CAMK2D: variants seen among roughly 807,000 people sequenced by gnomAD.
CAMK2D encodes calcium/calmodulin dependent protein kinase II delta, also known as calcium/calmodulin-dependent protein kinase type II subunit delta.
In CAMK2D, 37 loss-of-function variants were observed where a neutral mutation model predicts 84.0. The observed-to-expected ratio is 0.44, with a 90% CI of 0.34 to 0.58. The LOEUF (loss-of-function observed/expected upper bound fraction) is 0.58, where lower values mean the gene tolerates loss of function less well. Ranked by LOEUF, CAMK2D falls within the 20% of genes least tolerant of loss-of-function variation. The pLI, the probability that CAMK2D is intolerant of heterozygous loss-of-function variation, is 0.02. For missense variants in CAMK2D, 448 were observed against 652.5 expected, an observed-to-expected ratio of 0.69 and a Z score of 3.41; for synonymous variants, 202 against 212.5, an observed-to-expected ratio of 0.95 and a Z score of 0.43.
chr4:113,742,570 ATT>A (rs143698248), intron 2 of CAMK2D, among the ~76,000 whole-genome samples: 4 of 147,088 alleles, frequency 2.7e-5, no homozygotes, highest in East Asian at 2.0e-4. Flanking sequence ...TCTTGAGTTC[ATT>A]TTTTTTTTTT....
chr4:113,734,654 G>A (rs2099576818), intron 2 of CAMK2D, among the ~76,000 whole-genome samples: 2 of 151,844 alleles, frequency 1.3e-5, no homozygotes, highest in East Asian at 3.8e-4. Context: ...AGAACCAGCT[G>A]ACAGCCTAGT....
At chr4:113,760,913 T>A in intron 1 of CAMK2D, 91 bp downstream of exon 1, 1 of 1,539,524 alleles carries the variant, frequency 6.5e-7, no homozygotes, top group Non-Finnish European at 9.0e-7. Context: ...CCAAACTCCC[T>A]CGCCCCAAGA....
At chr4:113,654,223 A>T (rs1561623228) in intron 3 of CAMK2D, among the ~76,000 whole-genome samples, 2 of 152,078 alleles carry the variant, frequency 1.3e-5, no homozygotes, top group South Asian at 4.1e-4. Flanking sequence ...AATTCCTAAG[A>T]GCTCTTCCAG....
chr4:113,657,858 C>T (rs2099209104), intron 3 of CAMK2D, among the ~76,000 whole-genome samples: 1 of 152,070 alleles, frequency 6.6e-6, no homozygotes, highest in South Asian at 2.1e-4. Context: ...TATTTCCTTC[C>T]TTAAAGTTCT....
At chr4:113,758,898 A>C (rs1162242053) in intron 2 of CAMK2D, among the ~76,000 whole-genome samples, 1 of 152,202 alleles carries the variant, frequency 6.6e-6, no homozygotes, top group East Asian at 1.9e-4. Flanking sequence ...TTCAAGTGTA[A>C]CTACAATTGA....
intron 2 of CAMK2D, among the ~76,000 whole-genome samples, chr4:113,736,135 A>AG (rs2099580770): frequency 6.6e-6 from 1 of 151,252 alleles, no homozygotes. Flanking sequence ...GTAGAATTAA[A>AG]AAAAAAAAAA....
At chr4:113,708,202 G>A (rs528284750) in intron 2 of CAMK2D, among the ~76,000 whole-genome samples, 12 of 152,168 alleles carry the variant, frequency 7.9e-5, no homozygotes, top group African/African-American at 2.6e-4. Flanking sequence ...TAGGCAAATT[G>A]TGGTCATCCA....
chr4:113,594,880 C>A (rs1326000509), intron 4 of CAMK2D, among the ~76,000 whole-genome samples: 1 of 152,016 alleles, frequency 6.6e-6, no homozygotes, highest in Non-Finnish European at 1.5e-5. Flanking sequence ...GAAATAGTAA[C>A]AACATTTGAA....
At position 113,531,268 on chromosome 4, in the gene CAMK2D, T is replaced by C; in HGVS notation, c.549A>G (p.Pro183=). ...CATAAGGATCTTTACGTAAAACTTC[T>C]GGAGAAAGATATCCAGGTGTGCCAG... The part of the protein sequence containing the change: ...GFAGTPGYLS[P]EVLRKDPYGK... Residue 183 remains proline, a synonymous_variant, in exon 8 of 21, where the codon CCA becomes CCG. Transcript: ENST00000511664. 6.2e-7 allele frequency: 1 copy of C among 1,603,266 alleles called. No homozygotes were observed. The highest frequency in any genetic ancestry group is 1.3e-5 in the African/African-American group (1 of 74,804).
At position 113,677,049 on chromosome 4, in the gene CAMK2D, A is replaced by G. The variant is rs1230517792; in HGVS notation, c.161-15277T>C. 4.6e-5 allele frequency among the ~76,000 whole-genome samples: 7 copies of G among 152,274 alleles called. No homozygotes were observed. In the East Asian group the frequency reaches 1.3e-3, roughly 29 times the overall value. ...AAATTCAGCCTCACTCCCCTACACTATTGGGTTGCCTTTAGAACCTTTGTG... is the reference window on the plus strand; with the variant it reads ...AAATTCAGCCTCACTCCCCTACACTGTTGGGTTGCCTTTAGAACCTTTGTG... On this transcript the variant is annotated intron_variant, in intron 2 of 20. Transcript: ENST00000511664.
intron 14 of CAMK2D, 142 bp downstream of exon 14, chr4:113,504,831 CAAA>C (rs35574643): frequency 2.7e-3 from 641 of 240,126 alleles, no homozygotes; most frequent in Middle Eastern, 3.1e-3. Context: ...TCATAGAAAG[CAAA>C]AAAAAAAAAA....
chr4:113,675,300 A>G (rs753960524), intron 2 of CAMK2D, among the ~76,000 whole-genome samples: 43 of 152,344 alleles, frequency 2.8e-4, no homozygotes, highest in Middle Eastern at 3.4e-3. Context: ...ATGTCTTGCC[A>G]GTCTTTTCCT....
chr4:113,587,839 A>T (rs1422548924), intron 4 of CAMK2D, among the ~76,000 whole-genome samples: 1 of 152,138 alleles, frequency 6.6e-6, no homozygotes, highest in East Asian at 1.9e-4. Flanking sequence ...TGGGTTTCAC[A>T]ATTATCAGCT....
At chr4:113,621,862 C>T (rs555838520) in intron 3 of CAMK2D, among the ~76,000 whole-genome samples, 7 of 152,276 alleles carry the variant, frequency 4.6e-5, no homozygotes, top group South Asian at 2.1e-4. Context: ...TCATTATCCA[C>T]GCCCAGGGAA....
At chr4:113,744,396 T>C (rs1048936511) in intron 2 of CAMK2D, among the ~76,000 whole-genome samples, 2 of 152,178 alleles carry the variant, frequency 1.3e-5, no homozygotes, top group Admixed American at 6.5e-5. Context: ...TCTACTTCTC[T>C]ACAATTCTGA....
chr4:113,633,536 C>T (rs1401163769), intron 3 of CAMK2D, among the ~76,000 whole-genome samples: 2 of 152,140 alleles, frequency 1.3e-5, no homozygotes, highest in African/African-American at 2.4e-5. Context: ...GGCACTCATT[C>T]AGTTTACCAA....
intron 4 of CAMK2D, among the ~76,000 whole-genome samples, chr4:113,561,678 G>A (rs887012646): frequency 6.6e-6 from 1 of 152,084 alleles, no homozygotes; most frequent in Admixed American, 6.5e-5. Flanking sequence ...CTCTACACAG[G>A]CTTAACAGAA....
chr4:113,663,231 G>A (rs1418703168), intron 2 of CAMK2D, among the ~76,000 whole-genome samples: 2 of 152,132 alleles, frequency 1.3e-5, no homozygotes, highest in African/African-American at 4.8e-5. Context: ...AAAAGTAAAG[G>A]TAGATTTTGA....
chr4:113,626,111 G>A (rs2099067260), intron 3 of CAMK2D, among the ~76,000 whole-genome samples: 1 of 152,126 alleles, frequency 6.6e-6, no homozygotes, highest in Non-Finnish European at 1.5e-5. Flanking sequence ...CATTTTGAAA[G>A]TAGAGCAGAC....
Sources: gnomAD v4.1 joint callset for allele counts (sites outside exome capture counted in the v4.1 genomes callset) on GRCh38, gnomAD v4.1.1 for gene constraint, MANE v1.5 for transcripts, NCBI Gene and HGNC (gene_info 2026-07-23, HGNC 2026-07-21) for gene names.